Variants in TPCN2 observed in about 807,000 individuals in gnomAD.
The protein encoded by TPCN2 is two pore channel protein 2.
Under a neutral mutation model 111.4 loss-of-function variants are expected in TPCN2, and 92 were observed. That is an observed-to-expected ratio of 0.83 (90% CI 0.70 to 0.98). The LOEUF (loss-of-function observed/expected upper bound fraction) is 0.98. Ranked by LOEUF, TPCN2 falls within the 50% of genes least tolerant of loss-of-function variation. The pLI is 0.00. For missense variants in TPCN2, 995 were observed against 980.1 expected (o/e 1.02, Z -0.20); for synonymous variants, 405 against 414.5 (o/e 0.98, Z 0.28).
intron 5 of TPCN2, among the ~76,000 whole-genome samples, chr11:69,062,558 A>G (rs1229214955): frequency 1.3e-5 from 2 of 151,872 alleles, no homozygotes; most frequent in Non-Finnish European, 2.9e-5. Context: ...TGGGGCCACC[A>G]CCCTTCCAGC....
At chr11:69,072,882 C>G in intron 12 of TPCN2, 33 bp from the exon 13 acceptor site, 1 of 1,579,288 alleles carries the variant, frequency 6.3e-7, no homozygotes, top group Non-Finnish European at 8.7e-7. Context: ...CCTTCCCGTG[C>G]GCCCCTGCTG....
chr11:69,080,930 C>G (rs565230994), intron 17 of TPCN2, among the ~76,000 whole-genome samples: 1 of 152,108 alleles, frequency 6.6e-6, no homozygotes, highest in Non-Finnish European at 1.5e-5. Flanking sequence ...GGGCTTGGGT[C>G]AGGGATGGGG....
chr11:69,079,487 C>A, intron 16 of TPCN2: 1 of 297,684 alleles, frequency 3.4e-6, no homozygotes, highest in Non-Finnish European at 6.3e-6. Flanking sequence ...GTGTCACAAG[C>A]AGCCACATGA....
Position 69,054,777 on chromosome 11 carries a change from T to A in TPCN2, c.231T>A (p.Tyr77Ter). 6.2e-7 allele frequency: 1 copy of A among 1,614,140 alleles called. No homozygotes were observed. The highest frequency in any genetic ancestry group is 1.6e-4 in the Middle Eastern group (1 of 6,062). Residue 77 changes from tyrosine to a stop codon, truncating the protein, a stop_gained, in exon 3 of 25, where the codon TAT (tyrosine) becomes TAA (stop). Coordinates refer to ENST00000294309, the MANE Select transcript of TPCN2 (RefSeq NM_139075.4). LOFTEE classifies it high-confidence loss of function. ...DASSMWLYRR[Y>*]YSNVCQRTLS... ...GCTCGATGTGGCTTTACCGACGGTA[T>A]TACTCGAACGTATGCCAACGGTGAG...
intron 6 of TPCN2, among the ~76,000 whole-genome samples, chr11:69,063,519 G>A (rs1214079594): frequency 1.3e-5 from 2 of 152,024 alleles, no homozygotes; most frequent in African/African-American, 4.8e-5. Context: ...GCCGCCCTCC[G>A]CTCTTGCCAG....
intron 1 of TPCN2, among the ~76,000 whole-genome samples, chr11:69,051,395 A>G (rs1011574104): frequency 3.9e-5 from 6 of 152,250 alleles, no homozygotes; most frequent in Non-Finnish European, 7.3e-5. Context: ...TACTCTGGCT[A>G]TAGTAAGTCA....
In TPCN2 at chr11:69,048,932, G is replaced by A; in HGVS notation, c.-66G>A. 1 of 1,063,260 alleles carries A rather than the reference G, an allele frequency of 9.4e-7. No individual in the cohort carries two copies. Among genetic ancestry groups the A allele is most frequent in the African/African-American group, 1.6e-5 (1 of 61,294 alleles). The allele number at this position is 1,063,260 out of a possible 1,614,324, so 65.9% of individuals were successfully genotyped here. ...CCAGGGACGGGGTCTCCGCGCCTGC[G>A]CAGTGAAGCTGGGCGCCTTCGGGGC... On this transcript the variant is annotated 5_prime_UTR_variant, in exon 1 of 25. Coordinates refer to ENST00000294309, the MANE Select transcript of TPCN2 (RefSeq NM_139075.4).
intron 2 of TPCN2, 115 bp from the exon 3 acceptor site, chr11:69,054,605 GT>G: frequency 1.0e-6 from 1 of 966,534 alleles, no homozygotes; most frequent in Non-Finnish European, 1.6e-6. Context: ...ACGCTGAAGC[GT>G]CCCCTGTGAT....
At position 69,078,584 on chromosome 11, in the gene TPCN2, A is replaced by C. The variant is rs765306603; in HGVS notation, c.1333A>C (p.Asn445His). ...CCTGGGGAACCTCATCGCCCTGGCA[A>C]ACCTGGTGTCCATTTGCGTGAGTGT... ...DYLGNLIALA[N>H]LVSICVFLVL... The change falls in exon 14 of 25, where the codon AAC becomes CAC. Residue 445 changes from asparagine (N) to histidine (H), a missense_variant. Asn to His is a moderately conservative substitution (Grantham distance 68, BLOSUM62 1). Transcript: ENST00000294309. The C allele has an allele frequency of 6.2e-7, 1 of 1,613,986 alleles. No homozygotes were observed. The highest frequency in any genetic ancestry group is 8.5e-7 in the Non-Finnish European group (1 of 1,180,006).
chr11:69,079,804 G>T (rs781412423), intron 16 of TPCN2, 30 bp from the exon 17 acceptor site: 1 of 1,610,692 alleles, frequency 6.2e-7, no homozygotes, highest in Non-Finnish European at 8.5e-7. Context: ...TGTTGCTGTA[G>T]CGAAGCCTTC....
chr11:69,061,266 TG>T, intron 5 of TPCN2, among the ~76,000 whole-genome samples: 2 of 152,272 alleles, frequency 1.3e-5, no homozygotes, highest in Admixed American at 1.3e-4. Flanking sequence ...GGGCAGACAC[TG>T]GCAGCTTGAG....
chr11:69,067,007 G>A (rs1219505150), intron 7 of TPCN2, among the ~76,000 whole-genome samples: 1 of 152,190 alleles, frequency 6.6e-6, no homozygotes, highest in African/African-American at 2.4e-5. Context: ...CCACAGCCAC[G>A]AGCACAGTGC....
chr11:69,066,228 C>A (rs1170859215), intron 7 of TPCN2, among the ~76,000 whole-genome samples: 3 of 152,116 alleles, frequency 2.0e-5, no homozygotes, highest in African/African-American at 7.2e-5. Context: ...GGCCTGGACC[C>A]AGTGCTGTGG....
At chr11:69,058,860 T>TACG (rs1854894507) in intron 5 of TPCN2, among the ~76,000 whole-genome samples, 1 of 152,250 alleles carries the variant, frequency 6.6e-6, no homozygotes, top group Non-Finnish European at 1.5e-5. Flanking sequence ...ATTTCTGAGT[T>TACG]ACGGTTGTGG....
At chr11:69,064,466 C>A (rs1208124262) in intron 7 of TPCN2, among the ~76,000 whole-genome samples, 2 of 152,140 alleles carry the variant, frequency 1.3e-5, no homozygotes, top group African/African-American at 4.8e-5. Flanking sequence ...CCTCCCACGC[C>A]CTCTCCTGCC....
At chr11:69,056,877 G>A (rs548688657) in intron 4 of TPCN2, among the ~76,000 whole-genome samples, 28 of 150,908 alleles carry the variant, frequency 1.9e-4, no homozygotes, top group African/African-American at 6.6e-4. Flanking sequence ...TAGCTCTGTC[G>A]CCCAGGCTAG....
Position 69,089,914 on chromosome 11 carries a change from G to C in TPCN2, c.*1961G>C, listed in dbSNP as rs989665200. On this transcript the variant is annotated 3_prime_UTR_variant, in exon 25 of 25. Coordinates refer to ENST00000294309, the MANE Select transcript of TPCN2 (RefSeq NM_139075.4). ...GTGGGAGCCCCTTCTTCTGCCTTTT[G>C]TGTTTTTTTTGTTATGTACCTACAG... 4.9e-5 allele frequency: 6 copies of C among 121,406 alleles called. No homozygotes were observed. Among genetic ancestry groups the C allele is most frequent in the African/African-American group, 1.7e-4 (6 of 35,688 alleles). The allele number at this position is 121,406 out of a possible 1,614,324, so 7.5% of individuals were successfully genotyped here.
intron 7 of TPCN2, among the ~76,000 whole-genome samples, chr11:69,066,941 G>T (rs1855298347): frequency 6.6e-6 from 1 of 152,204 alleles, no homozygotes; most frequent in Non-Finnish European, 1.5e-5. Flanking sequence ...CCTCTCAGGA[G>T]GGAGAGAGGA....
At chr11:69,054,914 A>AT in intron 3 of TPCN2, 117 bp downstream of exon 3, 1 of 1,056,292 alleles carries the variant, frequency 9.5e-7, no homozygotes, top group Admixed American at 2.1e-5. Flanking sequence ...CACTACATAG[A>AT]TAGGGCGGTT....
Sources: allele counts gnomAD v4.1 joint callset (sites outside exome capture counted in the v4.1 genomes callset), GRCh38; gene constraint gnomAD v4.1.1; transcripts MANE v1.5; gene names NCBI Gene and HGNC (gene_info 2026-07-23, HGNC 2026-07-21).